BTG4: variants seen among roughly 807,000 people sequenced by gnomAD.
BTG4 encodes the protein BTG anti-proliferation factor 4.
BTG4 carries 10 observed loss-of-function variants against 19.3 expected under a neutral mutation model. The observed-to-expected ratio is 0.52, with a 90% confidence interval of 0.32 to 0.88. The LOEUF is 0.88. Among genes scored for constraint, BTG4 ranks in the 40% least tolerant of loss-of-function variants. BTG4 has a pLI of 0.04. For synonymous variants in BTG4, 91 were observed against 95.7 expected (o/e 0.95, Z 0.29); for missense variants, 238 against 281.9 (o/e 0.84, Z 1.11).
At chr11:111,411,645 G>A in the BTG4 span, among the ~76,000 whole-genome samples, 9 of 152,310 alleles carry the variant, frequency 5.9e-5, no homozygotes, top group African/African-American at 1.7e-4. Flanking sequence ...GATTCTGACT[G>A]TATAGGGTTG....
the BTG4 span, among the ~76,000 whole-genome samples, chr11:111,432,878 G>C: frequency 6.6e-6 from 1 of 151,004 alleles, no homozygotes; most frequent in Admixed American, 6.6e-5. Flanking sequence ...TTTTTGTAGA[G>C]ACAAGGTCTC....
At chr11:111,397,801 A>C in the BTG4 span, 1 of 152,242 alleles carries the variant, frequency 6.6e-6, no homozygotes, top group Non-Finnish European at 1.5e-5. Flanking sequence ...ACATTTCAGC[A>C]GAACGTTCAG....
the BTG4 span, among the ~76,000 whole-genome samples, chr11:111,411,797 C>CA: frequency 6.6e-6 from 1 of 152,138 alleles, no homozygotes; most frequent in African/African-American, 2.4e-5. Context: ...CCATGGTAGC[C>CA]AAAATTTTGT....
At chr11:111,454,231 C>A in the BTG4 span, 1 of 450,400 alleles carries the variant, frequency 2.2e-6, no homozygotes, top group East Asian at 7.0e-5. Context: ...CTCCGACCCC[C>A]ACAGGTGGGA....
chr11:111,401,029 T>C, the BTG4 span: 1 of 129,832 alleles, frequency 7.7e-6, no homozygotes, highest in Non-Finnish European at 1.5e-5. Context: ...TTTCATAGGC[T>C]GTTCCTGACT....
chr11:111,487,285 C>T (rs886839143), intron 5 of BTG4, among the ~76,000 whole-genome samples: 2 of 152,120 alleles, frequency 1.3e-5, no homozygotes, highest in Non-Finnish European at 2.9e-5. Context: ...TAAACATACA[C>T]GTGAATGTAT....
chr11:111,455,687 CA>C, the BTG4 span: 1 of 396,116 alleles, frequency 2.5e-6, no homozygotes. Context: ...AATGTGGCTG[CA>C]GGGGGTCCCG....
the BTG4 span, chr11:111,451,245 AG>A: frequency 9.2e-6 from 3 of 326,456 alleles, no homozygotes; most frequent in Non-Finnish European, 6.5e-6. Context: ...CTCTCTCCTC[AG>A]GGGCCACTTC....
At chr11:111,475,115 G>A (rs4598705) in intron 5 of BTG4, 52,784 of 152,296 alleles carry the variant, frequency 0.35, 9,328 homozygotes, top group Middle Eastern at 0.4. Flanking sequence ...AAAGAAAATG[G>A]TAATCTCATT....
At chr11:111,456,533 G>A in the BTG4 span, 1 of 456,418 alleles carries the variant, frequency 2.2e-6, no homozygotes, top group Non-Finnish European at 4.4e-6. This position sits in a 1 kb window ranked among gnomAD's most constrained non-coding sequence, Gnocchi z 4.2. Flanking sequence ...GGCCCTCCTG[G>A]TGCTGATGAC....
the BTG4 span, among the ~76,000 whole-genome samples, chr11:111,387,964 A>G: frequency 6.6e-6 from 1 of 151,980 alleles, no homozygotes; most frequent in Non-Finnish European, 1.5e-5. Flanking sequence ...TATTACCAAC[A>G]TTATTTTTCC....
chr11:111,391,343 T>C, the BTG4 span, among the ~76,000 whole-genome samples: 1 of 152,208 alleles, frequency 6.6e-6, no homozygotes, highest in Non-Finnish European at 1.5e-5. Flanking sequence ...CCAAATTTTT[T>C]GTAGGTTTTG....
chr11:111,481,056 A>G (rs1361297995), intron 5 of BTG4, among the ~76,000 whole-genome samples: 1 of 151,778 alleles, frequency 6.6e-6, no homozygotes, highest in Non-Finnish European at 1.5e-5. Context: ...CCCTCTGACA[A>G]TTAAAAAGAA....
At chr11:111,408,103 C>T in the BTG4 span, among the ~76,000 whole-genome samples, 1 of 152,262 alleles carries the variant, frequency 6.6e-6, no homozygotes, top group African/African-American at 2.4e-5. Flanking sequence ...GAACATGTAG[C>T]CTTCCCTGTC....
chr11:111,488,797 T>A (rs1023778772), intron 5 of BTG4, among the ~76,000 whole-genome samples: 1 of 152,156 alleles, frequency 6.6e-6, no homozygotes, highest in African/African-American at 2.4e-5. Flanking sequence ...GGCATTTCTT[T>A]TGTTCTCTTT....
the BTG4 span, among the ~76,000 whole-genome samples, chr11:111,430,781 C>A: frequency 6.6e-6 from 1 of 152,236 alleles, no homozygotes; most frequent in African/African-American, 2.4e-5. Context: ...CAAAGTCACA[C>A]AGCCACTAAA....
At chr11:111,485,796 G>C (rs1865029988) in intron 5 of BTG4, among the ~76,000 whole-genome samples, 1 of 152,014 alleles carries the variant, frequency 6.6e-6, no homozygotes, top group Non-Finnish European at 1.5e-5. Context: ...AGAACAAAAT[G>C]AAAAGTTGGT....
At chr11:111,455,496 C>T in the BTG4 span, 1 of 234,818 alleles carries the variant, frequency 4.3e-6, no homozygotes, top group East Asian at 9.9e-5. Flanking sequence ...TCGCCAAAAC[C>T]TCCTCGGGAG....
At chr11:111,460,350 G>A in the BTG4 span, 1 of 152,732 alleles carries the variant, frequency 6.5e-6, no homozygotes, top group African/African-American at 2.4e-5. Context: ...TTACCTCGGG[G>A]AGTGAGAGAC....
Sources: allele counts gnomAD v4.1 joint callset (sites outside exome capture counted in the v4.1 genomes callset), GRCh38; gene constraint gnomAD v4.1.1; non-coding constraint Gnocchi (gnomAD v3.1); transcripts MANE v1.5; gene names NCBI Gene and HGNC (gene_info 2026-07-23, HGNC 2026-07-21).